RAB38: variants seen among roughly 807,000 people sequenced by gnomAD.
RAB38 encodes the protein RAB38, member RAS oncogene family, also known as ras-related protein Rab-38.
A neutral mutation model predicts 18.4 loss-of-function variants in RAB38; 15 were observed. The ratio of observed to expected loss-of-function variants is 0.82; its 90% CI spans 0.55 to 1.26. The LOEUF (loss-of-function observed/expected upper bound fraction) is 1.26. RAB38 is among the 50% of genes most tolerant of loss of function. RAB38 has a pLI of 0.00. For missense variants in RAB38, 294 were observed against 267.4 expected (o/e 1.10, Z -0.69); for synonymous variants, 101 against 104.4 (o/e 0.97, Z 0.20).
chr11:88,030,511 A>T, the RAB38 span, among the ~76,000 whole-genome samples: 2 of 152,346 alleles, frequency 1.3e-5, no homozygotes, highest in South Asian at 4.1e-4. Flanking sequence ...AAGAGAGAAG[A>T]ATCAAATAGA....
chr11:87,977,757 A>AT, the RAB38 span, among the ~76,000 whole-genome samples: 1 of 60,870 alleles, frequency 1.6e-5, no homozygotes, highest in South Asian at 5.5e-4. Flanking sequence ...TAATATATAT[A>AT]TATTATATTA....
the RAB38 span, among the ~76,000 whole-genome samples, chr11:88,055,013 A>G: frequency 6.6e-6 from 1 of 152,236 alleles, no homozygotes; most frequent in Non-Finnish European, 1.5e-5. Context: ...CAAACCACCC[A>G]GAACATTAGT....
chr11:87,962,007 G>A, the RAB38 span, among the ~76,000 whole-genome samples: 2 of 152,088 alleles, frequency 1.3e-5, no homozygotes, highest in Non-Finnish European at 2.9e-5. Flanking sequence ...TCTTAGGACT[G>A]CTACCTGTGT....
the RAB38 span, among the ~76,000 whole-genome samples, chr11:88,014,444 TAATTTAAGAG>T: frequency 6.6e-6 from 1 of 152,274 alleles, no homozygotes; most frequent in South Asian, 2.1e-4. Context: ...ATTATTATCC[TAATTTAAGAG>T]ACCAGAAAAA....
chr11:87,814,734 C>CTTTTTTT, the RAB38 span, among the ~76,000 whole-genome samples: 5 of 148,646 alleles, frequency 3.4e-5, 2 homozygotes, highest in Admixed American at 1.4e-4. Flanking sequence ...TTTTCTTTTT[C>CTTTTTTT]TTTTTCTTTT....
At chr11:88,164,616 T>C (rs1943226983) in intron 1 of RAB38, among the ~76,000 whole-genome samples, 1 of 151,958 alleles carries the variant, frequency 6.6e-6, no homozygotes, top group East Asian at 1.9e-4. Flanking sequence ...AATAATTTTC[T>C]TTTAATTTAT....
At chr11:87,922,140 T>A in the RAB38 span, among the ~76,000 whole-genome samples, 3 of 152,006 alleles carry the variant, frequency 2.0e-5, no homozygotes, top group African/African-American at 7.2e-5. Flanking sequence ...CAGAACACAA[T>A]AAACTCCACT....
the RAB38 span, among the ~76,000 whole-genome samples, chr11:87,880,259 G>C: frequency 6.6e-6 from 1 of 151,686 alleles, no homozygotes; most frequent in African/African-American, 2.4e-5. Flanking sequence ...ACTATGTTTT[G>C]TAGCCCTCTT....
the RAB38 span, among the ~76,000 whole-genome samples, chr11:88,095,617 A>G: frequency 6.6e-6 from 1 of 151,900 alleles, no homozygotes; most frequent in African/African-American, 2.4e-5. Flanking sequence ...TGCATTATCC[A>G]TAACTTTAAA....
At chr11:88,126,263 T>C (rs1363361998) in intron 2 of RAB38, among the ~76,000 whole-genome samples, 2 of 152,200 alleles carry the variant, frequency 1.3e-5, no homozygotes, top group Non-Finnish European at 2.9e-5. Context: ...CGTATGTTTA[T>C]TGCAGCATTG....
At chr11:88,013,100 T>C in the RAB38 span, among the ~76,000 whole-genome samples, 2 of 152,166 alleles carry the variant, frequency 1.3e-5, no homozygotes, top group African/African-American at 4.8e-5. Flanking sequence ...GGGATAGTAA[T>C]ACATTAAAGT....
chr11:87,901,180 T>G, the RAB38 span, among the ~76,000 whole-genome samples: 1 of 151,538 alleles, frequency 6.6e-6, no homozygotes, highest in Non-Finnish European at 1.5e-5. Context: ...TAAACATTTA[T>G]TAAAGGCTTC....
chr11:88,017,435 C>T, the RAB38 span, among the ~76,000 whole-genome samples: 6 of 151,476 alleles, frequency 4.0e-5, no homozygotes, highest in Non-Finnish European at 7.4e-5. Context: ...TCGTATAATC[C>T]ACTTCTTCAT....
the RAB38 span, among the ~76,000 whole-genome samples, chr11:88,065,234 C>T: frequency 3.9e-5 from 6 of 152,266 alleles, no homozygotes; most frequent in Admixed American, 6.5e-5. Flanking sequence ...GCCACAATAA[C>T]GAGCTTTGTA....
At chr11:87,864,049 C>T in the RAB38 span, among the ~76,000 whole-genome samples, 2 of 151,584 alleles carry the variant, frequency 1.3e-5, no homozygotes, top group Non-Finnish European at 3.0e-5. Context: ...TACCCTTTAT[C>T]TTTCCCACAT....
At chr11:88,120,786 C>G (rs967489765) in intron 2 of RAB38, among the ~76,000 whole-genome samples, 2 of 152,080 alleles carry the variant, frequency 1.3e-5, no homozygotes, top group Admixed American at 1.3e-4. Context: ...GAGCCTTATA[C>G]CTCCTAGGTC....
At chr11:88,127,169 T>TG (rs1341987545) in intron 2 of RAB38, among the ~76,000 whole-genome samples, 5 of 152,342 alleles carry the variant, frequency 3.3e-5, no homozygotes, top group African/African-American at 1.2e-4. Flanking sequence ...TCGTGGAGTG[T>TG]GCCTTGTGTT....
At chr11:88,157,771 T>TA (rs1943143576) in intron 1 of RAB38, among the ~76,000 whole-genome samples, 1 of 152,108 alleles carries the variant, frequency 6.6e-6, no homozygotes, top group Non-Finnish European at 1.5e-5. Context: ...GGATAATTTT[T>TA]AAAAAATCTT....
At chr11:87,975,741 A>T in the RAB38 span, among the ~76,000 whole-genome samples, 1 of 151,754 alleles carries the variant, frequency 6.6e-6, no homozygotes, top group Non-Finnish European at 1.5e-5. Flanking sequence ...GAAGTATGTT[A>T]TAATTCTTAG....
Sources: allele counts gnomAD v4.1 joint callset (sites outside exome capture counted in the v4.1 genomes callset), GRCh38; gene constraint gnomAD v4.1.1; transcripts MANE v1.5; gene names NCBI Gene and HGNC (gene_info 2026-07-23, HGNC 2026-07-21).